LRRC69: variants seen among roughly 807,000 people sequenced by gnomAD.
The protein encoded by LRRC69 is leucine rich repeat containing 69.
In LRRC69, 42 loss-of-function variants were observed where a neutral mutation model predicts 37.8. The ratio of observed to expected loss-of-function variants is 1.11; its 90% confidence interval spans 0.87 to 1.44. The LOEUF is 1.44. Among genes scored for constraint, LRRC69 ranks in the 40% most tolerant of loss-of-function variants. The probability of loss-of-function intolerance (pLI) is 0.00; values close to 1 mark genes in which losing one functional copy is unlikely to be tolerated. For synonymous variants in LRRC69, 141 were observed against 143.1 expected (o/e 0.99, Z 0.11); for missense variants, 357 against 401.9 (o/e 0.89, Z 0.96).
chr8:91,218,880 T>C lies in LRRC69; in HGVS notation c.934-10T>C, dbSNP rs1277844231. ...CTGCCTAAATTTTATTTTTAATCTT[T>C]ACTTTTTAGGACTGGAAGATAAGCA... On this transcript the variant is annotated splice_polypyrimidine_tract_variant and intron_variant, in intron 7 of 7. Coordinates refer to ENST00000448384, the Ensembl canonical transcript of LRRC69. 6.7e-7 allele frequency: 1 copy of C among 1,502,700 alleles called. No homozygotes were observed. The highest frequency in any genetic ancestry group is 2.5e-5 in the East Asian group (1 of 40,690). 93.1% of individuals were successfully genotyped at this position (1,502,700 alleles called of 1,614,324 possible). A position where few individuals can be genotyped will look rare whatever the true frequency, so the allele number is the denominator to read the frequency against.
intron 5 of LRRC69, among the ~76,000 whole-genome samples, chr8:91,150,829 G>C (rs544967417): frequency 1.3e-5 from 2 of 151,882 alleles, no homozygotes; most frequent in East Asian, 1.9e-4. Context: ...TGTATGTGTC[G>C]AGGAATTTAT....
In LRRC69 at chr8:91,158,480, C is replaced by T. The variant is rs1467893572; in HGVS notation, c.651+22741C>T. The T allele has an allele frequency of 9.9e-5, 115 of 1,162,150 alleles. 3 individuals carry two copies. The highest frequency in any genetic ancestry group is 3.9e-6 in the Non-Finnish European group (3 of 769,722). The allele number at this position is 1,162,150 out of a possible 1,614,324, so 72.0% of individuals were successfully genotyped here. A position where few individuals can be genotyped will look rare whatever the true frequency, so the allele number is the denominator to read the frequency against. ...TAATGGAAGAATGTTTGGAAACCCA[C>T]AAGGCCTCACAATGCACATGGGAGA... On this transcript the variant is annotated intron_variant, in intron 5 of 7. Transcript: ENST00000448384.
intron 5 of LRRC69, among the ~76,000 whole-genome samples, chr8:91,176,135 T>TA (rs1554594558): frequency 7.6e-3 from 66 of 8,664 alleles, no homozygotes; most frequent in African/African-American, 0.021. Context: ...TATATATATA[T>TA]TTTTTTTTTT....
At position 91,184,234 on chromosome 8, in the gene LRRC69, G is replaced by A. The variant is rs369622941; in HGVS notation, c.652-5288G>A. 9.6e-4 allele frequency among the ~76,000 whole-genome samples: 146 copies of A among 152,202 alleles called. 5 individuals carry two copies. In the South Asian group the frequency reaches 0.022, roughly 23 times the overall value. The stretch of plus-strand genomic sequence containing the variant: ...GTGGAGGCTACAGTGAGCTGAGATC[G>A]TACCACTGCACTCCAGCCTGGGTGA... On this transcript the variant is annotated intron_variant, in intron 5 of 7. Transcript: ENST00000448384.
intron 5 of LRRC69, among the ~76,000 whole-genome samples, chr8:91,173,159 G>A (rs1310601691): frequency 2.0e-5 from 3 of 151,962 alleles, no homozygotes; most frequent in African/African-American, 4.8e-5. Flanking sequence ...GAGGAATAGT[G>A]TGGCTATGGG....
chr8:91,147,183 A>G (rs1411163670), intron 5 of LRRC69, among the ~76,000 whole-genome samples: 1 of 150,074 alleles, frequency 6.7e-6, no homozygotes, highest in Non-Finnish European at 1.5e-5. Flanking sequence ...ATTATTGCTA[A>G]TAATGCTTTG....
intron 5 of LRRC69, among the ~76,000 whole-genome samples, chr8:91,175,736 T>C (rs1430871336): frequency 1.3e-5 from 2 of 152,064 alleles, no homozygotes; most frequent in Non-Finnish European, 2.9e-5. Context: ...GGTCCTATTG[T>C]ATGTTGAATG....
chr8:91,123,438 C>T (rs1183380860), intron 1 of LRRC69, among the ~76,000 whole-genome samples: 1 of 151,928 alleles, frequency 6.6e-6, no homozygotes, highest in Non-Finnish European at 1.5e-5. Context: ...CAAGTAAAAC[C>T]TTTACCATGA....
intron 3 of LRRC69, among the ~76,000 whole-genome samples, chr8:91,130,093 C>A (rs1025081401): frequency 7.2e-5 from 11 of 151,986 alleles, no homozygotes; most frequent in Admixed American, 2.0e-4. Context: ...ATTCTTACCT[C>A]TCATAAGCAA....
At chr8:91,105,634 C>A (rs1813298466) in intron 1 of LRRC69, among the ~76,000 whole-genome samples, 1 of 148,440 alleles carries the variant, frequency 6.7e-6, no homozygotes, top group Non-Finnish European at 1.5e-5. Context: ...TGCACTCCAG[C>A]CTGGGCTGCA....
chr8:91,133,256 A>C, exon 4 of LRRC69: 1 of 1,521,606 alleles, frequency 6.6e-7, no homozygotes, highest in Non-Finnish European at 8.8e-7. Flanking sequence ...TTCTTGAAGA[A>C]GCTTCAGAAG....
intron 5 of LRRC69, among the ~76,000 whole-genome samples, chr8:91,177,855 T>C (rs561977596): frequency 6.7e-6 from 1 of 149,954 alleles, no homozygotes; most frequent in East Asian, 1.9e-4. Flanking sequence ...CTTTTCTTTT[T>C]TTTTTTTTTT....
intron 7 of LRRC69, among the ~76,000 whole-genome samples, chr8:91,213,694 G>T (rs1421834748): frequency 1.3e-5 from 2 of 152,182 alleles, no homozygotes; most frequent in East Asian, 1.9e-4. Flanking sequence ...GATCACTGTA[G>T]GTTGTCTGGT....
intron 3 of LRRC69, among the ~76,000 whole-genome samples, chr8:91,127,430 T>C (rs1190137202): frequency 6.6e-6 from 1 of 151,834 alleles, no homozygotes; most frequent in African/African-American, 2.4e-5. Context: ...ATTTCCCAAC[T>C]CTGAGGTTCT....
intron 1 of LRRC69, among the ~76,000 whole-genome samples, chr8:91,112,032 C>T (rs973269784): frequency 5.9e-5 from 9 of 151,814 alleles, no homozygotes; most frequent in Admixed American, 2.6e-4. Flanking sequence ...GCATTAAGCA[C>T]GAAAATCTGT....
intron 1 of LRRC69, among the ~76,000 whole-genome samples, chr8:91,111,474 T>A (rs1813409652): frequency 6.6e-6 from 1 of 151,852 alleles, no homozygotes; most frequent in African/African-American, 2.4e-5. Flanking sequence ...GTGGAGGTTG[T>A]AGTGAGCTGA....
chr8:91,144,638 A>G (rs372057984), intron 5 of LRRC69, among the ~76,000 whole-genome samples: 1 of 151,884 alleles, frequency 6.6e-6, no homozygotes, highest in Non-Finnish European at 1.5e-5. Flanking sequence ...CTTTTCTTGG[A>G]TATTTTTAAT....
At chr8:91,135,723 A>G in exon 5 of LRRC69, 1 of 1,446,586 alleles carries the variant, frequency 6.9e-7, no homozygotes, top group Non-Finnish European at 9.1e-7. Context: ...AATATTATTC[A>G]GATATTTCCA....
chr8:91,180,804 T>C (rs1316354711), intron 5 of LRRC69, among the ~76,000 whole-genome samples: 1 of 152,114 alleles, frequency 6.6e-6, no homozygotes, highest in Non-Finnish European at 1.5e-5. Flanking sequence ...CCTGGGAATG[T>C]TATGTTCTGA....
Sources: allele counts gnomAD v4.1 joint callset (sites outside exome capture counted in the v4.1 genomes callset), GRCh38; gene constraint gnomAD v4.1.1; transcripts MANE v1.5; gene names NCBI Gene and HGNC (gene_info 2026-07-23, HGNC 2026-07-21).